Variants in POU6F2 observed in about 807,000 individuals in gnomAD.
POU6F2 encodes the protein POU class 6 homeobox 2, also known as POU domain, class 6, transcription factor 2.
Under a neutral mutation model 71.3 loss-of-function variants are expected in POU6F2, and 31 were observed. That is an observed-to-expected ratio of 0.43 (90% CI 0.33 to 0.59). The LOEUF (loss-of-function observed/expected upper bound fraction) is 0.59, where lower values mean the gene tolerates loss of function less well. Among genes scored for constraint, POU6F2 ranks in the 20% least tolerant of loss-of-function variants. The probability of loss-of-function intolerance (pLI) is 0.04; values close to 1 mark genes in which losing one functional copy is unlikely to be tolerated. For missense variants in POU6F2, 783 were observed against 856.8 expected (o/e 0.91, Z 1.07); for synonymous variants, 347 against 355.7 (o/e 0.98, Z 0.27).
intron 4 of POU6F2, among the ~76,000 whole-genome samples, chr7:39,306,966 G>A (rs1318298290): frequency 1.3e-5 from 2 of 152,138 alleles, no homozygotes; most frequent in Non-Finnish European, 2.9e-5. Flanking sequence ...TCTGAATTAG[G>A]ATCAGAATTT....
intron 4 of POU6F2, among the ~76,000 whole-genome samples, chr7:39,331,145 GAT>G (rs1399517368): frequency 6.6e-6 from 1 of 152,148 alleles, no homozygotes; most frequent in Non-Finnish European, 1.5e-5. Context: ...TTCCGTTATG[GAT>G]ATGTACCACA....
intron 2 of POU6F2, among the ~76,000 whole-genome samples, chr7:39,149,632 T>C (rs911233562): frequency 9.2e-5 from 14 of 152,188 alleles, no homozygotes; most frequent in Admixed American, 7.9e-4. Context: ...TCATCCTACT[T>C]ATTTGCTATT....
intron 5 of POU6F2, among the ~76,000 whole-genome samples, chr7:39,398,253 C>G (rs185241773): frequency 6.6e-6 from 1 of 151,608 alleles, no homozygotes; most frequent in Non-Finnish European, 1.5e-5. Flanking sequence ...TTTTAGAGAG[C>G]GGGAGAAAGA....
chr7:39,269,692 C>A (rs887128015), intron 4 of POU6F2, among the ~76,000 whole-genome samples: 1 of 152,174 alleles, frequency 6.6e-6, no homozygotes, highest in Non-Finnish European at 1.5e-5. Flanking sequence ...TGCAAGCACC[C>A]CCTGAGCCTG....
At chr7:38,990,907 G>C (rs1788586870) in intron 1 of POU6F2, among the ~76,000 whole-genome samples, 1 of 152,028 alleles carries the variant, frequency 6.6e-6, no homozygotes, top group Non-Finnish European at 1.5e-5. Flanking sequence ...AGTAGACAAG[G>C]ATACGAGTTG....
In POU6F2 at chr7:39,465,485, C is replaced by T. The variant is rs1320496809; in HGVS notation, c.*799C>T. 1.3e-5 allele frequency: 2 copies of T among 152,116 alleles called. No individual in the cohort carries two copies. The highest frequency in any genetic ancestry group is 4.8e-5 in the African/African-American group (2 of 41,408). 9.4% of individuals were successfully genotyped at this position (152,116 alleles called of 1,614,324 possible). A position where few individuals can be genotyped will look rare whatever the true frequency, so the allele number is the denominator to read the frequency against. ...CGGGAGGGCATCCTGGATCGTGTGC[C>T]AAAGCATTTGTTGCTTTTTTCTCAC... On this transcript the variant is annotated 3_prime_UTR_variant, in exon 10 of 10. Transcript: ENST00000518318.
chr7:39,024,125 T>G (rs1789743405), intron 1 of POU6F2, among the ~76,000 whole-genome samples: 2 of 152,204 alleles, frequency 1.3e-5, no homozygotes, highest in Admixed American at 1.3e-4. Context: ...TATTGATTCT[T>G]CCTACCCATG....
At chr7:39,261,131 C>T (rs888544437) in intron 4 of POU6F2, among the ~76,000 whole-genome samples, 1 of 152,012 alleles carries the variant, frequency 6.6e-6, no homozygotes, top group Admixed American at 6.5e-5. Context: ...CTTTGGTCAA[C>T]AATGAAAGCT....
At position 39,207,262 on chromosome 7, in the gene POU6F2, T is replaced by C. The variant is rs1012678422; in HGVS notation, c.370-130T>C. ...TTTTCTACCAATCATTTTTTTTTAA[T>C]GAGATAGGGCATGTTTTTTGGTACT... On this transcript the variant is annotated intron_variant, in intron 3 of 9. Transcript: ENST00000518318. 4.1e-6 allele frequency: 3 copies of C among 724,552 alleles called. No individual in the cohort carries two copies. In the East Asian group the frequency reaches 8.1e-5, roughly 20 times the overall value. The allele number at this position is 724,552 out of a possible 1,614,324, so 44.9% of individuals were successfully genotyped here.
intron 5 of POU6F2, among the ~76,000 whole-genome samples, chr7:39,397,722 A>G (rs1228188238): frequency 1.3e-5 from 2 of 149,122 alleles, no homozygotes; most frequent in Admixed American, 1.3e-4. Flanking sequence ...TGAACTCCTG[A>G]CCTCAGGTGA....
chr7:39,072,017 C>T (rs1790891893), intron 1 of POU6F2, among the ~76,000 whole-genome samples: 2 of 152,122 alleles, frequency 1.3e-5, no homozygotes, highest in African/African-American at 2.4e-5. Context: ...GACTTGCAGA[C>T]AGAGCTCAAA....
chr7:39,275,906 A>G (rs1374102844), intron 4 of POU6F2, among the ~76,000 whole-genome samples: 4 of 151,936 alleles, frequency 2.6e-5, no homozygotes, highest in Non-Finnish European at 5.9e-5. Flanking sequence ...TTAATTCAAG[A>G]TGGATTAAAG....
At chr7:39,136,550 G>T (rs1320780718) in intron 2 of POU6F2, among the ~76,000 whole-genome samples, 1 of 152,144 alleles carries the variant, frequency 6.6e-6, no homozygotes. Context: ...AATAAGTTTA[G>T]TACACATTTG....
intron 4 of POU6F2, among the ~76,000 whole-genome samples, chr7:39,301,003 A>G (rs1475902059): frequency 6.6e-6 from 1 of 152,144 alleles, no homozygotes; most frequent in East Asian, 1.9e-4. Context: ...ATTGTATCCC[A>G]TTTGTGTTTT....
intron 1 of POU6F2, among the ~76,000 whole-genome samples, chr7:38,994,819 T>C (rs2128697513): frequency 6.6e-6 from 1 of 151,888 alleles, no homozygotes; most frequent in Middle Eastern, 3.4e-3. Context: ...CAATTCCAGA[T>C]AAAACCTAAA....
intron 5 of POU6F2, among the ~76,000 whole-genome samples, chr7:39,353,367 G>C (rs768542436): frequency 1.3e-5 from 2 of 152,170 alleles, no homozygotes; most frequent in Non-Finnish European, 2.9e-5. Flanking sequence ...GTATATAGTT[G>C]TCTCCTTGCA....
At chr7:39,304,408 G>T (rs7806608) in intron 4 of POU6F2, among the ~76,000 whole-genome samples, 104,172 of 151,932 alleles carry the variant, frequency 0.69, 35,746 homozygotes, top group Admixed American at 0.77. Context: ...AACCTCAGAC[G>T]GTTCACCATG....
chr7:39,433,034 C>T, intron 6 of POU6F2, 43 bp from the exon 7 acceptor site: 2 of 1,601,182 alleles, frequency 1.2e-6, no homozygotes, highest in South Asian at 2.2e-5. Context: ...CATGCACAGA[C>T]CCTTCACCGA....
At chr7:39,166,722 T>C (rs1284448523) in intron 2 of POU6F2, among the ~76,000 whole-genome samples, 1 of 152,204 alleles carries the variant, frequency 6.6e-6, no homozygotes, top group Admixed American at 6.5e-5. Context: ...TTTACCTTAA[T>C]GGATCCTGTC....
Sources: allele counts gnomAD v4.1 joint callset (sites outside exome capture counted in the v4.1 genomes callset), GRCh38; gene constraint gnomAD v4.1.1; transcripts MANE v1.5; gene names NCBI Gene and HGNC (gene_info 2026-07-23, HGNC 2026-07-21).